Variants in DNAH3 observed in about 807,000 individuals in gnomAD.
The protein encoded by DNAH3 is axonemal beta dynein heavy chain 3.
A neutral mutation model predicts 432.5 loss-of-function variants in DNAH3; 332 were observed. That is an observed-to-expected ratio of 0.77 (90% CI 0.70 to 0.84). DNAH3 has a LOEUF of 0.84. Among genes scored for constraint, DNAH3 ranks in the 40% least tolerant of loss-of-function variants. The probability of loss-of-function intolerance (pLI) is 0.00; values close to 1 mark genes in which losing one functional copy is unlikely to be tolerated. For synonymous variants in DNAH3, 1,956 were observed against 1,900.2 expected (o/e 1.03, Z -0.76); for missense variants, 4,861 against 5,114.0 (o/e 0.95, Z 1.51).
At chr16:20,939,512 T>A (rs2083723388) in intron 59 of DNAH3, among the ~76,000 whole-genome samples, 1 of 150,938 alleles carries the variant, frequency 6.6e-6, no homozygotes, top group African/African-American at 2.4e-5. Flanking sequence ...CTTGGGAGGC[T>A]GAGGCAGGAG....
chr16:21,003,563 A>G (rs1034728000), intron 41 of DNAH3, among the ~76,000 whole-genome samples: 3 of 152,176 alleles, frequency 2.0e-5, no homozygotes, highest in Non-Finnish European at 4.4e-5. Flanking sequence ...ACCTGAAGTC[A>G]GGGGTTCGAG....
At chr16:21,095,610 T>C (rs1269851255) in intron 18 of DNAH3, among the ~76,000 whole-genome samples, 2 of 152,236 alleles carry the variant, frequency 1.3e-5, no homozygotes, top group Admixed American at 6.5e-5. Context: ...TGCTGTTTTC[T>C]GATTGTAGTG....
rs139929673 is a variant in DNAH3 at position 21,051,488 on chromosome 16, T to A, written c.4238+182A>T. 2.3e-3 allele frequency among the ~76,000 whole-genome samples: 355 copies of A among 152,364 alleles called. 1 individual carries two copies. The highest frequency in any genetic ancestry group is 8.0e-3 in the African/African-American group (334 of 41,590). ...CATTGATTTGCACTAGAATTCCTACTGGGTTCTCATGTCTAGCCTGAAGAC... is the reference window on the plus strand; with the variant it reads ...CATTGATTTGCACTAGAATTCCTACAGGGTTCTCATGTCTAGCCTGAAGAC... On this transcript the variant is annotated intron_variant, in intron 29 of 61. Transcript: ENST00000261383.
chr16:20,971,260 A>C (rs2085330455), intron 51 of DNAH3, among the ~76,000 whole-genome samples: 1 of 152,094 alleles, frequency 6.6e-6, no homozygotes. Context: ...AAACACTAAA[A>C]TTTATGTTTC....
At chr16:20,985,070 T>C (rs1206142195) in intron 48 of DNAH3, 1 of 1,608,528 alleles carries the variant, frequency 6.2e-7, no homozygotes, top group Non-Finnish European at 8.5e-7. Context: ...TGAAGGTTCT[T>C]TCTCACCCTC....
rs531030221 is a variant in DNAH3 at position 21,157,133 on chromosome 16, C to T, written c.117+2192G>A. ...TTTAGGGATTCTTGTCTGTCCTATCCCCACCATTAGCTCTTCTTTCTGCTA... is the reference window on the plus strand; with the variant it reads ...TTTAGGGATTCTTGTCTGTCCTATCTCCACCATTAGCTCTTCTTTCTGCTA... On this transcript the variant is annotated intron_variant, in intron 1 of 61. Transcript: ENST00000261383. Among the ~76,000 whole-genome samples, 7 of 152,124 alleles carry T rather than the reference C, an allele frequency of 4.6e-5. No individual in the cohort carries two copies. In the South Asian group the frequency reaches 1.5e-3, roughly 32 times the overall value.
Position 20,933,405 on chromosome 16 carries a change from T to G in DNAH3, c.12100A>C (p.Ile4034Leu), listed in dbSNP as rs202215040. 1.7e-5 allele frequency: 28 copies of G among 1,614,048 alleles called. No individual in the cohort carries two copies. Among genetic ancestry groups the G allele is most frequent in the Middle Eastern group, 1.7e-4 (1 of 6,044 alleles). Residue 4034 changes from isoleucine to leucine, a missense_variant, in exon 62 of 62, where the codon ATT becomes CTT. Ile to Leu is a conservative substitution (Grantham distance 5, BLOSUM62 2). Transcript: ENST00000261383. ...AGGATTTTGGGGAGAGATTCCCCAA[T>G]CTGCATCGTTTTCCTGTCCCAACGG...
chr16:21,102,874 A>C (rs546719360), intron 16 of DNAH3, among the ~76,000 whole-genome samples: 6 of 145,224 alleles, frequency 4.1e-5, no homozygotes, highest in East Asian at 4.0e-4. Context: ...GAAGACTATT[A>C]TTCTTTTTTT....
At chr16:21,028,697 G>A (rs1369186546) in intron 37 of DNAH3, among the ~76,000 whole-genome samples, 1 of 151,770 alleles carries the variant, frequency 6.6e-6, no homozygotes, top group Non-Finnish European at 1.5e-5. Context: ...TTTCTAGTGT[G>A]TAGCAAGTAA....
Position 21,136,197 on chromosome 16 carries a change from T to G in DNAH3, c.886+127A>C, listed in dbSNP as rs894925181. ...GGGAGGCTAAGGAGGGAGGATTGCT[T>G]GAGCCCAGGAGTTCCAGACCAGCCT... On this transcript the variant is annotated intron_variant, in intron 6 of 61. Coordinates refer to ENST00000261383, the Ensembl canonical transcript of DNAH3. 22 of 879,820 alleles carry G rather than the reference T, an allele frequency of 2.5e-5. 1 individual carries two copies. The highest frequency in any genetic ancestry group is 2.0e-4 in the East Asian group (8 of 39,574). The allele number at this position is 879,820 out of a possible 1,614,324, so 54.5% of individuals were successfully genotyped here. A position where few individuals can be genotyped will look rare whatever the true frequency, so the allele number is the denominator to read the frequency against.
chr16:20,989,953 C>A (rs551732391), intron 44 of DNAH3, among the ~76,000 whole-genome samples: 26 of 152,354 alleles, frequency 1.7e-4, no homozygotes, highest in African/African-American at 6.3e-4. Context: ...CCCGCCAAGC[C>A]CACGCCCACC....
At chr16:21,060,811 A>T (rs1303845049) in intron 25 of DNAH3, among the ~76,000 whole-genome samples, 2 of 146,136 alleles carry the variant, frequency 1.4e-5, no homozygotes, top group African/African-American at 5.0e-5. Flanking sequence ...GGTGTGAACC[A>T]CTGCGCCTGG....
Position 21,111,625 on chromosome 16 carries a change from C to A in DNAH3, c.2099+1G>T. 1 of 1,609,080 alleles carries A rather than the reference C, an allele frequency of 6.2e-7. No individual in the cohort carries two copies. Among genetic ancestry groups the A allele is most frequent in the South Asian group, 1.1e-5 (1 of 90,836 alleles). On this transcript the variant is annotated splice_donor_variant, in intron 14 of 61. Transcript: ENST00000261383. LOFTEE classifies it high-confidence loss of function. ...TATTTGTCTGCACAGAATTACAATA[C>A]CTGGTATTGGTGTCTCGGTTTACAT... is the stretch of plus-strand genomic sequence containing the variant.
rs141737576 is a variant in DNAH3, at chr16:21,066,306, T to G, written c.3518+977A>C. Among the ~76,000 whole-genome samples the G allele has an allele frequency of 1.1e-3, 170 of 152,276 alleles. 2 individuals are homozygous for G. The highest frequency in any genetic ancestry group is 3.9e-3 in the African/African-American group (163 of 41,566). On this transcript the variant is annotated intron_variant, in intron 24 of 61. Transcript: ENST00000261383. The stretch of plus-strand genomic sequence containing the variant: ...CATGGAGTGACCATCAATGGTGAAC[T>G]AGTCATGGATAGATTATCAGGAATG...
chr16:21,103,354 T>TGGGGG (rs553390308), intron 16 of DNAH3, among the ~76,000 whole-genome samples: 1 of 67,570 alleles, frequency 1.5e-5, no homozygotes, highest in Non-Finnish European at 2.9e-5. Flanking sequence ...GGTGTGTGTG[T>TGGGGG]GGGGGGGGGC....
chr16:20,964,487 C>G, exon 53 of DNAH3: 1 of 1,614,196 alleles, frequency 6.2e-7, no homozygotes, highest in Non-Finnish European at 8.5e-7. Flanking sequence ...GCATCCAGCT[C>G]TTCTCCAATG....
chr16:21,126,475 G>C (rs1240838435), intron 8 of DNAH3, among the ~76,000 whole-genome samples: 1 of 152,308 alleles, frequency 6.6e-6, no homozygotes, highest in East Asian at 1.9e-4. Context: ...AATTTCTCTG[G>C]CTGTGGAGGT....
At chr16:21,066,561 A>G (rs2090558212) in intron 24 of DNAH3, among the ~76,000 whole-genome samples, 1 of 151,900 alleles carries the variant, frequency 6.6e-6, no homozygotes, top group African/African-American at 2.4e-5. Context: ...TAGAGGTGGA[A>G]TTTCCCCATC....
chr16:21,033,893 C>T, intron 36 of DNAH3, 81 bp downstream of exon 36: 1 of 923,514 alleles, frequency 1.1e-6, no homozygotes, highest in Non-Finnish European at 1.7e-6. Flanking sequence ...ACAAGACTAG[C>T]AGCCTGGCAT....
Sources: gnomAD v4.1 joint callset for allele counts (sites outside exome capture counted in the v4.1 genomes callset) on GRCh38, gnomAD v4.1.1 for gene constraint, MANE v1.5 for transcripts, NCBI Gene and HGNC (gene_info 2026-07-23, HGNC 2026-07-21) for gene names.